The following XPR1 variants were observed in gnomAD, a reference collection of about 807,000 sequenced individuals.
XPR1 encodes the protein xenotropic and polytropic retrovirus receptor 1.
XPR1 carries 28 observed loss-of-function variants against 87.5 expected under a neutral mutation model. That is an observed-to-expected ratio of 0.32 (90% CI 0.24 to 0.44). XPR1 has a LOEUF of 0.44. XPR1 is among the 20% of genes least tolerant of loss of function. XPR1 has a pLI of 1.00. For missense variants in XPR1, 559 were observed against 862.3 expected, an observed-to-expected ratio of 0.65 and a Z score of 4.41; for synonymous variants, 300 against 306.1, an observed-to-expected ratio of 0.98 and a Z score of 0.21.
At chr1:180,743,814 A>G (rs1348909156) in intron 2 of XPR1, among the ~76,000 whole-genome samples, 1 of 152,066 alleles carries the variant, frequency 6.6e-6, no homozygotes, top group Admixed American at 6.5e-5. Flanking sequence ...ATTTTGATCT[A>G]CCTCCATGTC....
At chr1:180,846,698 C>T (rs565792622) in intron 11 of XPR1, among the ~76,000 whole-genome samples, 46 of 152,120 alleles carry the variant, frequency 3.0e-4, no homozygotes, top group African/African-American at 1.0e-3. Context: ...CTGCCTGCCT[C>T]GGGCTCCCAA....
intron 1 of XPR1, among the ~76,000 whole-genome samples, chr1:180,644,181 A>G (rs186767272): frequency 1.5e-4 from 23 of 152,308 alleles, no homozygotes; most frequent in African/African-American, 4.3e-4. Flanking sequence ...AGGGAGATAC[A>G]TAATTACTAG....
At chr1:180,848,451 A>G (rs780988577) in intron 11 of XPR1, among the ~76,000 whole-genome samples, 1 of 152,138 alleles carries the variant, frequency 6.6e-6, no homozygotes, top group Non-Finnish European at 1.5e-5. Flanking sequence ...ACATAATGTA[A>G]TGTACTCCAG....
chr1:180,763,089 A>C (rs1186636802), intron 2 of XPR1, among the ~76,000 whole-genome samples: 1 of 152,214 alleles, frequency 6.6e-6, no homozygotes, highest in Non-Finnish European at 1.5e-5. Flanking sequence ...AATTGTCATC[A>C]AAATAGTGTT....
chr1:180,734,752 G>A (rs1300920163), intron 2 of XPR1, among the ~76,000 whole-genome samples: 1 of 152,144 alleles, frequency 6.6e-6, no homozygotes, highest in Non-Finnish European at 1.5e-5. Context: ...GACTTTAGTA[G>A]GAAGAACCTA....
intron 2 of XPR1, among the ~76,000 whole-genome samples, chr1:180,713,063 A>G (rs1657860175): frequency 6.7e-6 from 1 of 150,282 alleles, no homozygotes; most frequent in Non-Finnish European, 1.5e-5. Flanking sequence ...TTGGGATTGT[A>G]TTGAATCTCT....
chr1:180,817,464 G>A (rs1371934057), intron 7 of XPR1, among the ~76,000 whole-genome samples: 2 of 152,088 alleles, frequency 1.3e-5, no homozygotes. Flanking sequence ...CCCTATACAG[G>A]TGTACCATTT....
intron 7 of XPR1, among the ~76,000 whole-genome samples, chr1:180,819,800 C>T (rs910153524): frequency 6.6e-6 from 1 of 152,056 alleles, no homozygotes; most frequent in Non-Finnish European, 1.5e-5. Context: ...GGTGGATTGC[C>T]TGAGCTCAGG....
At chr1:180,816,853 C>T (rs1650429413) in intron 7 of XPR1, among the ~76,000 whole-genome samples, 1 of 152,104 alleles carries the variant, frequency 6.6e-6, no homozygotes, top group Non-Finnish European at 1.5e-5. Flanking sequence ...GAGTGAACTC[C>T]TCCTACTTAT....
rs73044555 is a variant in XPR1, at chr1:180,849,587, G to A, written c.1501+12871G>A. 3.8e-3 allele frequency among the ~76,000 whole-genome samples: 586 copies of A among 152,280 alleles called. 9 individuals carry two copies. The highest frequency in any genetic ancestry group is 0.013 in the African/African-American group (559 of 41,564). ...ACAACAGATGTTGTAAACAGATGTG[G>A]TGTTGAGCAAATATAGAGACAAATA... is the stretch of plus-strand genomic sequence containing the variant. On this transcript the variant is annotated intron_variant, in intron 11 of 14. Coordinates refer to ENST00000367590, the MANE Select transcript of XPR1 (RefSeq NM_004736.4).
At chr1:180,650,874 T>C (rs1456012426) in intron 1 of XPR1, among the ~76,000 whole-genome samples, 2 of 152,204 alleles carry the variant, frequency 1.3e-5, no homozygotes, top group East Asian at 1.9e-4. Flanking sequence ...TAATTAGATA[T>C]AATATTTGAA....
intron 9 of XPR1, among the ~76,000 whole-genome samples, chr1:180,830,532 C>T (rs189510649): frequency 6.6e-6 from 1 of 152,172 alleles, no homozygotes; most frequent in East Asian, 1.9e-4. Context: ...GAAGACAGAT[C>T]CAGCCAAGTC....
At chr1:180,798,406 C>T (rs1349218429) in intron 3 of XPR1, among the ~76,000 whole-genome samples, 1 of 151,704 alleles carries the variant, frequency 6.6e-6, no homozygotes, top group Middle Eastern at 3.4e-3. Context: ...CAACACAAAT[C>T]GATAAAGAGA....
chr1:180,730,597 A>C (rs991373542), intron 2 of XPR1, among the ~76,000 whole-genome samples: 1 of 152,102 alleles, frequency 6.6e-6, no homozygotes, highest in African/African-American at 2.4e-5. Flanking sequence ...AGGCTCTATC[A>C]CAGCTACTTG....
intron 1 of XPR1, among the ~76,000 whole-genome samples, chr1:180,678,829 A>C (rs1279603490): frequency 3.3e-5 from 5 of 151,950 alleles, no homozygotes; most frequent in Non-Finnish European, 5.9e-5. Flanking sequence ...GAGTATCTGT[A>C]CTCTTTTCTT....
intron 2 of XPR1, among the ~76,000 whole-genome samples, chr1:180,770,735 C>T (rs1648483027): frequency 6.6e-6 from 1 of 152,166 alleles, no homozygotes; most frequent in South Asian, 2.1e-4. Context: ...TACTCCCCTG[C>T]TTACTATCTT....
chr1:180,646,129 A>G (rs745325471), intron 1 of XPR1, among the ~76,000 whole-genome samples: 4 of 152,180 alleles, frequency 2.6e-5, no homozygotes, highest in African/African-American at 4.8e-5. Context: ...AATGCTAACA[A>G]TTGTGCCTCT....
At chr1:180,840,530 A>ATT (rs1329902503) in intron 11 of XPR1, among the ~76,000 whole-genome samples, 5 of 64,212 alleles carry the variant, frequency 7.8e-5, no homozygotes, top group African/African-American at 1.9e-4. Context: ...AGGTTAACAT[A>ATT]TTTGTGTGTG....
intron 9 of XPR1, among the ~76,000 whole-genome samples, chr1:180,833,243 C>T (rs574756891): frequency 1.1e-3 from 173 of 152,232 alleles, no homozygotes; most frequent in Non-Finnish European, 2.2e-3. Context: ...TAAAGACCAT[C>T]GACAATTATG....
Sources: gnomAD v4.1 joint callset for allele counts (sites outside exome capture counted in the v4.1 genomes callset) on GRCh38, gnomAD v4.1.1 for gene constraint, MANE v1.5 for transcripts, NCBI Gene and HGNC (gene_info 2026-07-23, HGNC 2026-07-21) for gene names.